CDH12: variants seen among roughly 807,000 people sequenced by gnomAD.
CDH12 encodes the protein cadherin 12.
CDH12 carries 41 observed loss-of-function variants against 74.1 expected under a neutral mutation model. The observed-to-expected ratio is 0.55, with a 90% CI of 0.43 to 0.72. The LOEUF is 0.72. Among genes scored for constraint, CDH12 ranks in the 30% least tolerant of loss-of-function variants. The pLI is 0.00. For missense variants in CDH12, 945 were observed against 977.2 expected, an observed-to-expected ratio of 0.97 and a Z score of 0.44; for synonymous variants, 399 against 355.0, an observed-to-expected ratio of 1.12 and a Z score of -1.39.
intron 11 of CDH12, among the ~76,000 whole-genome samples, chr5:21,768,719 GA>G (rs1335247899): frequency 1.3e-5 from 2 of 151,930 alleles, no homozygotes; most frequent in African/African-American, 4.8e-5. Context: ...AATATTTAAG[GA>G]ACAAATAATA....
intron 4 of CDH12, among the ~76,000 whole-genome samples, chr5:22,168,447 G>A (rs1363087956): frequency 8.6e-5 from 13 of 151,894 alleles, no homozygotes; most frequent in Admixed American, 7.9e-4. Context: ...AATCTTCGAC[G>A]GACTTATGCT....
intron 1 of CDH12, among the ~76,000 whole-genome samples, chr5:22,649,491 G>A (rs184983753): frequency 2.6e-5 from 4 of 152,008 alleles, no homozygotes; most frequent in Admixed American, 6.6e-5. Flanking sequence ...AAGAAGAGAA[G>A]AGGACAGCAG....
intron 3 of CDH12, among the ~76,000 whole-genome samples, chr5:22,346,140 G>C (rs1402609607): frequency 6.7e-6 from 1 of 149,656 alleles, no homozygotes; most frequent in Non-Finnish European, 1.5e-5. Context: ...TATGGAACTA[G>C]TTGTCATGAT....
At chr5:22,276,504 T>C (rs1298744922) in intron 3 of CDH12, among the ~76,000 whole-genome samples, 2 of 152,178 alleles carry the variant, frequency 1.3e-5, no homozygotes. Context: ...ACTCATCCCC[T>C]TGATGAAAGA....
At chr5:22,211,705 A>G (rs1201995780) in intron 4 of CDH12, among the ~76,000 whole-genome samples, 1 of 151,938 alleles carries the variant, frequency 6.6e-6, no homozygotes, top group African/African-American at 2.4e-5. Context: ...CCTAAATGAT[A>G]TAGGAAATGT....
chr5:22,665,297 C>A (rs952862716), intron 1 of CDH12, among the ~76,000 whole-genome samples: 65 of 152,276 alleles, frequency 4.3e-4, no homozygotes, highest in African/African-American at 1.5e-3. Flanking sequence ...TTTCATCAAG[C>A]ATCTCATAGG....
At chr5:22,234,632 G>A (rs929172701) in intron 3 of CDH12, among the ~76,000 whole-genome samples, 5 of 148,186 alleles carry the variant, frequency 3.4e-5, no homozygotes, top group Non-Finnish European at 7.4e-5. Flanking sequence ...CTGCCTTAGA[G>A]CTATATCTAT....
At chr5:22,829,712 G>A (rs1290152407) in intron 1 of CDH12, among the ~76,000 whole-genome samples, 1 of 152,134 alleles carries the variant, frequency 6.6e-6, no homozygotes, top group Non-Finnish European at 1.5e-5. Flanking sequence ...AGTAGTCATT[G>A]CCACTTATGC....
At chr5:22,340,570 C>A (rs371600296) in intron 3 of CDH12, among the ~76,000 whole-genome samples, 6 of 151,362 alleles carry the variant, frequency 4.0e-5, no homozygotes, top group East Asian at 3.9e-4. Context: ...GTGATTTTGA[C>A]AACTAGAAAA....
At chr5:21,957,674 AGTTT>A (rs1756162232) in intron 6 of CDH12, among the ~76,000 whole-genome samples, 1 of 151,846 alleles carries the variant, frequency 6.6e-6, no homozygotes, top group African/African-American at 2.4e-5. Context: ...AGTGATATTG[AGTTT>A]GTTTTTTTTC....
intron 6 of CDH12, among the ~76,000 whole-genome samples, chr5:21,922,371 G>A (rs934875155): frequency 2.0e-5 from 3 of 152,138 alleles, no homozygotes; most frequent in Admixed American, 1.3e-4. Context: ...AAATTCAGAT[G>A]AGCCTTGCTT....
intron 4 of CDH12, among the ~76,000 whole-genome samples, chr5:22,148,263 TTAAG>T (rs1163105305): frequency 6.6e-6 from 1 of 152,190 alleles, no homozygotes. Context: ...CTACTATTTA[TTAAG>T]TATTTGCTGC....
At chr5:22,828,539 A>G (rs1402571020) in intron 1 of CDH12, among the ~76,000 whole-genome samples, 1 of 152,224 alleles carries the variant, frequency 6.6e-6, no homozygotes, top group Admixed American at 6.5e-5. Flanking sequence ...TAAATTGAAA[A>G]GCAGATCTCA....
rs543302257 is a variant in CDH12, at chr5:22,738,591, T to G, written c.-523+114467A>C. ...TTGTAGGGGATTTGGAGATTGGTAA[T>G]CCTTCAAATTATGAAAAATATACAA... On this transcript the variant is annotated intron_variant, in intron 1 of 14. Coordinates refer to ENST00000382254, the MANE Select transcript of CDH12 (RefSeq NM_004061.5). Among the ~76,000 whole-genome samples the G allele has an allele frequency of 2.9e-4, 44 of 152,142 alleles. 1 individual carries two copies. The highest frequency in any genetic ancestry group is 9.4e-4 in the African/African-American group (39 of 41,530).
At chr5:22,586,277 G>T (rs1221491445) in intron 1 of CDH12, among the ~76,000 whole-genome samples, 1 of 151,922 alleles carries the variant, frequency 6.6e-6, no homozygotes, top group Admixed American at 6.6e-5. Flanking sequence ...TCACAGGTGG[G>T]AATTGAACAA....
At chr5:22,469,832 G>A (rs917099617) in intron 2 of CDH12, among the ~76,000 whole-genome samples, 2 of 152,096 alleles carry the variant, frequency 1.3e-5, no homozygotes, top group Non-Finnish European at 2.9e-5. Context: ...ACTCTCCTTG[G>A]TAGGAAACAC....
intron 1 of CDH12, among the ~76,000 whole-genome samples, chr5:22,815,650 G>A (rs191566443): frequency 4.6e-5 from 7 of 151,406 alleles, no homozygotes; most frequent in African/African-American, 1.5e-4. Flanking sequence ...GGCACCTGTA[G>A]TCCATGCTAC....
chr5:21,984,686 G>A (rs1757441183), intron 5 of CDH12, among the ~76,000 whole-genome samples: 1 of 152,180 alleles, frequency 6.6e-6, no homozygotes, highest in Admixed American at 6.6e-5. Context: ...CCGAAGAGGA[G>A]TTAAAGGTGT....
At chr5:22,792,560 C>A (rs1192669762) in intron 1 of CDH12, among the ~76,000 whole-genome samples, 2 of 152,150 alleles carry the variant, frequency 1.3e-5, no homozygotes, top group Non-Finnish European at 2.9e-5. Flanking sequence ...TTTTGGCATA[C>A]ACGTATATGG....
Sources: allele counts gnomAD v4.1 joint callset (sites outside exome capture counted in the v4.1 genomes callset), GRCh38; gene constraint gnomAD v4.1.1; transcripts MANE v1.5; gene names NCBI Gene and HGNC (gene_info 2026-07-23, HGNC 2026-07-21).